Variants in CFAP52 observed in about 807,000 individuals in gnomAD.
The protein encoded by CFAP52 is cilia and flagella associated protein 52.
CFAP52 carries 57 observed loss-of-function variants against 70.5 expected under a neutral mutation model. The ratio of observed to expected loss-of-function variants is 0.81; its 90% CI spans 0.65 to 1.01. CFAP52 has a LOEUF of 1.01. Ranked by LOEUF, CFAP52 falls within the 50% of genes least tolerant of loss-of-function variation. The pLI, the probability that CFAP52 is intolerant of heterozygous loss-of-function variation, is 0.00. For synonymous variants in CFAP52, 267 were observed against 292.5 expected (o/e 0.91, Z 0.89); for missense variants, 785 against 788.5 (o/e 1.00, Z 0.05).
At position 9,638,723 on chromosome 17, in the gene CFAP52, C is replaced by T. The variant is rs749471334; in HGVS notation, c.1575+12C>T. 9 of 1,612,574 alleles carry T rather than the reference C, an allele frequency of 5.6e-6. No homozygotes were observed. The highest frequency in any genetic ancestry group is 7.6e-6 in the Non-Finnish European group (9 of 1,178,620). On this transcript the variant is annotated intron_variant, in intron 12 of 13. Coordinates refer to ENST00000352665, the MANE Select transcript of CFAP52 (RefSeq NM_145054.5). Reference sequence around the variant, plus strand: ...GAACAGACAGAAAGGTGAGTCCTCCCAGTGAGAGATGAGATCTTTCCAGCG... The same window carrying T: ...GAACAGACAGAAAGGTGAGTCCTCCTAGTGAGAGATGAGATCTTTCCAGCG...
intron 7 of CFAP52, among the ~76,000 whole-genome samples, chr17:9,608,714 T>C (rs923279321): frequency 1.3e-5 from 2 of 152,252 alleles, no homozygotes; most frequent in Admixed American, 6.5e-5. Flanking sequence ...TGTATGTTTC[T>C]TGGCTCATTT....
intron 2 of CFAP52, 99 bp downstream of exon 2, chr17:9,586,071 T>C (rs1908459187): frequency 2.5e-6 from 3 of 1,222,552 alleles, no homozygotes; most frequent in Non-Finnish European, 3.5e-6. Context: ...GGCAATGTGC[T>C]TTATTCTTCC....
chr17:9,584,980 A>G (rs1908390121), intron 1 of CFAP52, among the ~76,000 whole-genome samples: 1 of 152,196 alleles, frequency 6.6e-6, no homozygotes, highest in African/African-American at 2.4e-5. Context: ...TTGTAAAGAC[A>G]TGGATTAACC....
At chr17:9,605,651 G>A (rs1313879410) in intron 6 of CFAP52, among the ~76,000 whole-genome samples, 3 of 136,044 alleles carry the variant, frequency 2.2e-5, no homozygotes, top group Non-Finnish European at 4.6e-5. Context: ...AGCCGAGATC[G>A]CGCCCCTGCA....
At chr17:9,607,057 A>T (rs1909519069) in intron 6 of CFAP52, among the ~76,000 whole-genome samples, 1 of 152,208 alleles carries the variant, frequency 6.6e-6, no homozygotes, top group Non-Finnish European at 1.5e-5. Flanking sequence ...TTAAAATCAA[A>T]TGTTGTGGCT....
intron 9 of CFAP52, among the ~76,000 whole-genome samples, chr17:9,632,526 A>G (rs998410083): frequency 6.6e-6 from 1 of 152,158 alleles, no homozygotes; most frequent in Non-Finnish European, 1.5e-5. Context: ...TCCAGGAGAA[A>G]GATGGTGGTG....
chr17:9,608,506 A>G (rs1192707053), intron 7 of CFAP52, among the ~76,000 whole-genome samples: 1 of 152,212 alleles, frequency 6.6e-6, no homozygotes, highest in Non-Finnish European at 1.5e-5. Context: ...GCCATGATGA[A>G]AGGAACGGGA....
At chr17:9,623,065 A>T (rs535801662) in intron 8 of CFAP52, among the ~76,000 whole-genome samples, 1 of 152,158 alleles carries the variant, frequency 6.6e-6, no homozygotes, top group Admixed American at 6.5e-5. Flanking sequence ...TCAGGCAATG[A>T]ATGTAGAGTT....
At chr17:9,616,597 C>T (rs1255705075) in intron 8 of CFAP52, among the ~76,000 whole-genome samples, 1 of 149,608 alleles carries the variant, frequency 6.7e-6, no homozygotes, top group Admixed American at 6.6e-5. Context: ...TTACGTGTCC[C>T]TGTCTGACAG....
At chr17:9,633,956 C>T (rs548411312) in intron 10 of CFAP52, among the ~76,000 whole-genome samples, 1 of 152,292 alleles carries the variant, frequency 6.6e-6, no homozygotes, top group Admixed American at 6.5e-5. Flanking sequence ...GCTGGGATTA[C>T]AGGCGTGAGC....
intron 3 of CFAP52, among the ~76,000 whole-genome samples, chr17:9,593,947 A>T (rs1241206398): frequency 1.3e-5 from 2 of 152,238 alleles, no homozygotes; most frequent in Admixed American, 1.3e-4. Flanking sequence ...CCTGGGCAAC[A>T]AGAGTGAAAC....
chr17:9,628,564 A>G, intron 8 of CFAP52, 108 bp from the exon 9 acceptor site: 1 of 1,447,908 alleles, frequency 6.9e-7, no homozygotes, highest in Middle Eastern at 1.8e-4. Context: ...GGTTTGAGCC[A>G]CCGCGCCCAG....
intron 4 of CFAP52, among the ~76,000 whole-genome samples, chr17:9,596,013 G>A (rs1285356836): frequency 7.6e-6 from 1 of 131,570 alleles, no homozygotes; most frequent in African/African-American, 2.8e-5. Flanking sequence ...TTATATATAT[G>A]TTTATATAGT....
intron 9 of CFAP52, among the ~76,000 whole-genome samples, chr17:9,631,052 G>GAGAGAAAGAAAGAAAA (rs370935367): frequency 2.6e-5 from 1 of 37,950 alleles, no homozygotes; most frequent in Non-Finnish European, 4.5e-5. Context: ...GAGAGAGAGA[G>GAGAGAAAGAAAGAAAA]AGAAAGAAAG....
chr17:9,642,614 C>T (rs115377020), intron 13 of CFAP52, among the ~76,000 whole-genome samples: 2,013 of 152,002 alleles, frequency 0.013, 52 homozygotes, highest in African/African-American at 0.045. Flanking sequence ...ACAGACAGTC[C>T]GTCTCAATAA....
chr17:9,611,282 G>A lies in CFAP52; in HGVS notation c.855-1027G>A, dbSNP rs530783487. On this transcript the variant is annotated intron_variant, in intron 7 of 13. Transcript: ENST00000352665. ...AAGTTCATACTCATTATAAAGGGAAGAGGGAGAAATCTGAAATGTAGAAGA... is the reference window on the plus strand; with the variant it reads ...AAGTTCATACTCATTATAAAGGGAAAAGGGAGAAATCTGAAATGTAGAAGA... Among the ~76,000 whole-genome samples, 9 of 151,982 alleles carry A rather than the reference G, an allele frequency of 5.9e-5. No individual in the cohort carries two copies. The South Asian group carries it at 1.0e-3, about 18-fold the overall frequency.
chr17:9,628,611 C>G (rs529781256), intron 8 of CFAP52, 61 bp from the exon 9 acceptor site: 32 of 1,580,338 alleles, frequency 2.0e-5, no homozygotes, highest in African/African-American at 2.7e-5. Flanking sequence ...ATTTTGGTGT[C>G]AAATATGCAT....
Position 9,600,108 on chromosome 17 carries a change from T to C in CFAP52, c.678T>C (p.Thr226=), listed in dbSNP as rs1265261548. ...GCTTTTTCTACCTTGGCACCACGAC[T>C]GGAGATATTCTAAAAATGAACCCCA... ...DDSFFYLGTT[T]GDILKMNPRT... Residue 226 remains threonine (T), a synonymous_variant, in exon 6 of 14, where the codon ACT becomes ACC. Transcript: ENST00000352665. 2 of 1,614,030 alleles carry C rather than the reference T, an allele frequency of 1.2e-6. No individual in the cohort carries two copies. The highest frequency in any genetic ancestry group is 1.7e-6 in the Non-Finnish European group (2 of 1,179,942).
chr17:9,587,260 A>G (rs1337526086), intron 3 of CFAP52, among the ~76,000 whole-genome samples: 1 of 152,188 alleles, frequency 6.6e-6, no homozygotes, highest in Non-Finnish European at 1.5e-5. Flanking sequence ...TTCTTTATCC[A>G]GTCTACCATT....
Sources: allele counts gnomAD v4.1 joint callset (sites outside exome capture counted in the v4.1 genomes callset), GRCh38; gene constraint gnomAD v4.1.1; transcripts MANE v1.5; gene names NCBI Gene and HGNC (gene_info 2026-07-23, HGNC 2026-07-21).